The following GHR variants were observed in gnomAD, a reference collection of about 807,000 sequenced individuals.
The protein encoded by GHR is growth hormone receptor.
GHR carries 35 observed loss-of-function variants against 67.1 expected under a neutral mutation model. The ratio of observed to expected loss-of-function variants is 0.52; its 90% CI spans 0.40 to 0.69. The LOEUF (loss-of-function observed/expected upper bound fraction) is 0.69. GHR is among the 30% of genes least tolerant of loss of function. GHR has a pLI of 0.00. For synonymous variants in GHR, 272 were observed against 269.1 expected (o/e 1.01, Z -0.10); for missense variants, 792 against 764.6 (o/e 1.04, Z -0.42).
At chr5:42,662,737 G>A (rs1375160755) in intron 3 of GHR, among the ~76,000 whole-genome samples, 3 of 152,064 alleles carry the variant, frequency 2.0e-5, no homozygotes, top group Admixed American at 1.3e-4. Context: ...CTAGGAGAAG[G>A]CAAGAAATAA....
At position 42,699,890 on chromosome 5, in the gene GHR, C is replaced by T. The variant is rs1255613250; in HGVS notation, c.506C>T (p.Ala169Val). ...AACGTCAGTTTAACTGGGATTCATGCAGATATCCAAGTGAGATGGGAAGCA... is the reference window on the plus strand; with the variant it reads ...AACGTCAGTTTAACTGGGATTCATGTAGATATCCAAGTGAGATGGGAAGCA... Reference protein sequence around the residue: ...LLNVSLTGIHADIQVRWEAPR... With the variant: ...LLNVSLTGIHVDIQVRWEAPR... The change falls in exon 6 of 10, where the codon GCA becomes GTA. Residue 169 changes from alanine (A) to valine (V), a missense_variant. Transcript: ENST00000230882. 12 of 1,605,648 alleles carry T rather than the reference C, an allele frequency of 7.5e-6. No individual in the cohort carries two copies. Among genetic ancestry groups the T allele is most frequent in the Non-Finnish European group, 1.0e-5 (12 of 1,172,350 alleles).
chr5:42,483,955 C>G (rs1227919978), intron 1 of GHR, among the ~76,000 whole-genome samples: 1 of 151,998 alleles, frequency 6.6e-6, no homozygotes, highest in Non-Finnish European at 1.5e-5. Context: ...TAGAACCAGC[C>G]TACTGTTGTC....
intron 1 of GHR, among the ~76,000 whole-genome samples, chr5:42,460,205 A>T (rs766786278): frequency 6.6e-6 from 1 of 152,180 alleles, no homozygotes; most frequent in Non-Finnish European, 1.5e-5. Flanking sequence ...TGGCACCTTG[A>T]TCGTGGACTT....
At chr5:42,510,597 A>T (rs1746970273) in intron 1 of GHR, among the ~76,000 whole-genome samples, 2 of 152,268 alleles carry the variant, frequency 1.3e-5, no homozygotes, top group Admixed American at 1.3e-4. Flanking sequence ...AACTGTAGCA[A>T]TAACCAAAGC....
chr5:42,446,865 G>A (rs986319177), intron 1 of GHR, among the ~76,000 whole-genome samples: 4 of 152,124 alleles, frequency 2.6e-5, no homozygotes, highest in Non-Finnish European at 2.9e-5. Context: ...AGTGAACACC[G>A]CACTTCTTTG....
At chr5:42,654,969 G>A (rs902360810) in intron 3 of GHR, among the ~76,000 whole-genome samples, 2 of 152,028 alleles carry the variant, frequency 1.3e-5, no homozygotes, top group African/African-American at 4.8e-5. Context: ...TCATCTGAAA[G>A]GGTTTCCTCT....
intron 1 of GHR, chr5:42,468,950 G>A (rs1191939965): frequency 1.1e-5 from 5 of 441,274 alleles, no homozygotes; most frequent in Non-Finnish European, 1.2e-5. Context: ...CTTCCCAGAA[G>A]ATCGAAGAAC....
At chr5:42,574,787 G>A (rs534480497) in intron 2 of GHR, among the ~76,000 whole-genome samples, 51 of 151,998 alleles carry the variant, frequency 3.4e-4, no homozygotes, top group Non-Finnish European at 6.0e-4. Context: ...GGATTTTTGC[G>A]GGTGATTTCT....
At chr5:42,483,394 G>C (rs1382398626) in intron 1 of GHR, among the ~76,000 whole-genome samples, 1 of 151,708 alleles carries the variant, frequency 6.6e-6, no homozygotes, top group Non-Finnish European at 1.5e-5. Context: ...TGAGAAATCT[G>C]CCCAAGGAGC....
At chr5:42,648,340 T>C (rs1217204689) in intron 3 of GHR, among the ~76,000 whole-genome samples, 1 of 152,312 alleles carries the variant, frequency 6.6e-6, no homozygotes, top group Non-Finnish European at 1.5e-5. Context: ...AGGGAATCCC[T>C]GTCACGTACC....
intron 1 of GHR, among the ~76,000 whole-genome samples, chr5:42,507,293 T>C (rs1453515725): frequency 6.6e-6 from 1 of 152,248 alleles, no homozygotes; most frequent in Admixed American, 6.5e-5. Flanking sequence ...GTGAAACTTT[T>C]ATTGAAAAAA....
At chr5:42,568,225 AT>A (rs904027202) in intron 2 of GHR, among the ~76,000 whole-genome samples, 11 of 150,920 alleles carry the variant, frequency 7.3e-5, no homozygotes, top group Non-Finnish European at 7.4e-5. Flanking sequence ...CCCTGAAAGG[AT>A]TTTTTTTTAT....
intron 3 of GHR, among the ~76,000 whole-genome samples, chr5:42,637,350 T>C (rs553439195): frequency 6.6e-6 from 1 of 152,256 alleles, no homozygotes; most frequent in African/African-American, 2.4e-5. Flanking sequence ...TGCAGGTTTG[T>C]TACATGGGTC....
intron 3 of GHR, among the ~76,000 whole-genome samples, chr5:42,635,667 T>G (rs1321103050): frequency 1.3e-5 from 2 of 152,164 alleles, no homozygotes; most frequent in Non-Finnish European, 2.9e-5. Context: ...TTATCCCCCT[T>G]CAACTTCAAG....
intron 3 of GHR, among the ~76,000 whole-genome samples, chr5:42,640,800 G>A (rs1238297823): frequency 2.6e-5 from 4 of 151,716 alleles, no homozygotes; most frequent in African/African-American, 9.7e-5. Flanking sequence ...TAATTGCCAT[G>A]TATTTCTACC....
At chr5:42,658,661 G>C (rs1036050169) in intron 3 of GHR, among the ~76,000 whole-genome samples, 1 of 152,188 alleles carries the variant, frequency 6.6e-6, no homozygotes, top group South Asian at 2.1e-4. Flanking sequence ...CCCCCCAGGG[G>C]ACATTTGGCA....
rs151220688 is a variant in GHR at position 42,605,334 on chromosome 5, G to A, written c.71-23704G>A. Among the ~76,000 whole-genome samples, 654 of 151,976 alleles carry A rather than the reference G, an allele frequency of 4.3e-3. 4 individuals carry two copies. The highest frequency in any genetic ancestry group is 0.015 in the African/African-American group (632 of 41,424). On this transcript the variant is annotated intron_variant, in intron 2 of 9. Transcript: ENST00000230882. The stretch of plus-strand genomic sequence containing the variant: ...TTGGTCAGGCTGGTGTCGAGCTCCC[G>A]ACCTCAGGTGATCCGTCTGCCTCGA...
intron 2 of GHR, among the ~76,000 whole-genome samples, chr5:42,601,443 T>TA (rs11453271): frequency 1.3e-3 from 195 of 152,272 alleles, no homozygotes; most frequent in African/African-American, 4.5e-3. Flanking sequence ...CCCAGGTATT[T>TA]AAAAAATCTC....
chr5:42,646,026 G>T (rs1365787168), intron 3 of GHR, among the ~76,000 whole-genome samples: 1 of 152,240 alleles, frequency 6.6e-6, no homozygotes, highest in East Asian at 1.9e-4. Context: ...CAACCAGGAG[G>T]TATGTGCCTA....
Sources: gnomAD v4.1 joint callset for allele counts (sites outside exome capture counted in the v4.1 genomes callset) on GRCh38, gnomAD v4.1.1 for gene constraint, MANE v1.5 for transcripts, NCBI Gene and HGNC (gene_info 2026-07-23, HGNC 2026-07-21) for gene names.